The following NSD1 variants were observed in gnomAD, a reference collection of about 807,000 sequenced individuals.
NSD1 encodes nuclear receptor binding SET domain protein 1.
NSD1 carries 26 observed loss-of-function variants against 242.7 expected under a neutral mutation model. The observed-to-expected ratio is 0.11, with a 90% CI of 0.08 to 0.15. The LOEUF (loss-of-function observed/expected upper bound fraction) is 0.15, where lower values mean the gene tolerates loss of function less well. Among genes scored for constraint, NSD1 ranks in the 10% least tolerant of loss-of-function variants. The pLI is 1.00. For synonymous variants in NSD1, 1,106 were observed against 1,178.1 expected, an observed-to-expected ratio of 0.94 and a Z score of 1.25; for missense variants, 2,495 against 3,272.8, an observed-to-expected ratio of 0.76 and a Z score of 5.80.
chr5:177,252,571 A>G (rs78220936), intron 12 of NSD1, among the ~76,000 whole-genome samples: 2 of 92,272 alleles, frequency 2.2e-5, no homozygotes, highest in African/African-American at 1.1e-4. Flanking sequence ...TTTTTTTTTA[A>G]TAAGAGATGA....
intron 2 of NSD1, among the ~76,000 whole-genome samples, chr5:177,157,258 C>T (rs748155837): frequency 7.9e-5 from 12 of 151,046 alleles, no homozygotes; most frequent in African/African-American, 1.2e-4. Flanking sequence ...CCCAGCTACT[C>T]GGGAGGCTGA....
chr5:177,155,931 C>G (rs530803615), intron 2 of NSD1, among the ~76,000 whole-genome samples: 50 of 151,812 alleles, frequency 3.3e-4, no homozygotes, highest in Non-Finnish European at 6.9e-4. Flanking sequence ...TCTCGAACTC[C>G]TGACCTCAGG....
rs916735253 is a variant in NSD1 at position 177,197,901 on chromosome 5, G to C, written c.1063+5882G>C. The stretch of plus-strand genomic sequence containing the variant: ...GTTTCATTGAGGTAGAAGTTAGATT[G>C]GACTGATTTGAGGCAATGGAGACAG... On this transcript the variant is annotated intron_variant, in intron 3 of 22. Transcript: ENST00000439151. 4.6e-5 allele frequency among the ~76,000 whole-genome samples: 7 copies of C among 152,234 alleles called. No individual in the cohort carries two copies. The Middle Eastern group carries it at 0.01, about 222-fold the overall frequency.
At chr5:177,282,319 G>A (rs1421662414) in intron 18 of NSD1, 146 bp from the exon 19 acceptor site, 8 of 738,420 alleles carry the variant, frequency 1.1e-5, no homozygotes, top group Middle Eastern at 3.8e-4. Context: ...GTTGGGGATC[G>A]TAAAGTAATT....
chr5:177,255,781 C>G (rs980758797), intron 12 of NSD1, among the ~76,000 whole-genome samples: 1 of 152,020 alleles, frequency 6.6e-6, no homozygotes, highest in African/African-American at 2.4e-5. Flanking sequence ...GACGGTGTCT[C>G]ACTATGTTCC....
At chr5:177,275,393 A>G (rs750833503) in intron 17 of NSD1, among the ~76,000 whole-genome samples, 3 of 113,152 alleles carry the variant, frequency 2.7e-5, no homozygotes, top group Admixed American at 1.9e-4. Context: ...CAGTTTCAGT[A>G]TTTCATCGTG....
intron 2 of NSD1, among the ~76,000 whole-genome samples, chr5:177,177,363 A>G (rs1170243997): frequency 1.3e-5 from 2 of 151,980 alleles, no homozygotes; most frequent in African/African-American, 4.8e-5. Flanking sequence ...AAAAATACAA[A>G]AATTAGCCAG....
rs764710462 is a variant in NSD1 at position 177,291,950 on chromosome 5, G to A, written c.6259-4G>A. On this transcript the variant is annotated splice_polypyrimidine_tract_variant and splice_region_variant and intron_variant, in intron 21 of 22. Coordinates refer to ENST00000439151, the MANE Select transcript of NSD1 (RefSeq NM_022455.5). ...ATGCTGACTGTTCAATATCTGACCTGTAGAATCAACCCATTGCCACGGAAG... is the reference window on the plus strand; with the variant it reads ...ATGCTGACTGTTCAATATCTGACCTATAGAATCAACCCATTGCCACGGAAG... 1 of 1,613,228 alleles carries A rather than the reference G, an allele frequency of 6.2e-7. No homozygotes were observed. The highest frequency in any genetic ancestry group is 1.1e-5 in the South Asian group (1 of 90,918).
In NSD1 at chr5:177,238,151, A is replaced by G; in HGVS notation, c.3922-86A>G. On this transcript the variant is annotated intron_variant, in intron 6 of 22. Transcript: ENST00000439151. This position sits in a 1 kb window ranked among gnomAD's most constrained non-coding sequence, Gnocchi z 4.6. ...TTTTTGTAGCCTTTGTCAGAATTTC[A>G]TTCCTTTTAAAGTGTGTTATTCTTT... is the stretch of plus-strand genomic sequence containing the variant. 1 of 1,464,440 alleles carries G rather than the reference A, an allele frequency of 6.8e-7. No individual in the cohort carries two copies. The highest frequency in any genetic ancestry group is 9.6e-7 in the Non-Finnish European group (1 of 1,046,382). The allele number at this position is 1,464,440 out of a possible 1,614,324, so 90.7% of individuals were successfully genotyped here. A position where few individuals can be genotyped will look rare whatever the true frequency, so the allele number is the denominator to read the frequency against.
intron 2 of NSD1, among the ~76,000 whole-genome samples, chr5:177,184,710 G>T (rs1028513535): frequency 7.2e-5 from 11 of 151,728 alleles, no homozygotes; most frequent in East Asian, 1.9e-4. Flanking sequence ...GGTGTGTGTG[G>T]GTGTGTGTGT....
intron 5 of NSD1, among the ~76,000 whole-genome samples, chr5:177,214,205 TC>T (rs1391627184): frequency 1.3e-5 from 2 of 151,980 alleles, no homozygotes; most frequent in East Asian, 3.9e-4. Flanking sequence ...GGTGGCGCGC[TC>T]CTGTAATACC....
chr5:177,266,344 G>T, intron 14 of NSD1: 2 of 709,992 alleles, frequency 2.8e-6, no homozygotes, highest in Admixed American at 1.8e-5. Flanking sequence ...AACACTCGAT[G>T]CCGATGACCT....
At chr5:177,167,625 C>T (rs964754138) in intron 2 of NSD1, among the ~76,000 whole-genome samples, 1 of 152,020 alleles carries the variant, frequency 6.6e-6, no homozygotes, top group African/African-American at 2.4e-5. Flanking sequence ...GCTACTAGTA[C>T]ACACTGTTTT....
chr5:177,197,520 G>T (rs551368872), intron 3 of NSD1, among the ~76,000 whole-genome samples: 49 of 152,220 alleles, frequency 3.2e-4, no homozygotes, highest in African/African-American at 1.2e-3. Context: ...TACTTGGCAG[G>T]CTGAGGCAGG....
At chr5:177,226,958 T>C (rs1015521840) in intron 5 of NSD1, among the ~76,000 whole-genome samples, 11 of 152,328 alleles carry the variant, frequency 7.2e-5, no homozygotes, top group Admixed American at 4.6e-4. Flanking sequence ...TCCTGCCAAA[T>C]TTATAACAAC....
chr5:177,260,000 C>T lies in NSD1; in HGVS notation c.4978C>T (p.Arg1660Cys), dbSNP rs2149917683. 1 of 1,614,080 alleles carries T rather than the reference C, an allele frequency of 6.2e-7. No individual in the cohort carries two copies. Among genetic ancestry groups the T allele is most frequent in the Non-Finnish European group, 8.5e-7 (1 of 1,180,008 alleles). The change falls in exon 14 of 23, where the codon CGC (arginine) becomes TGC (cysteine). Residue 1660 changes from arginine to cysteine, a missense_variant. This residue lies in a region of NSD1 where 31 missense variants were observed against 120.2 expected (regional missense o/e 0.26). Transcript: ENST00000439151. The part of the protein sequence containing the change: ...NVSASKGRLM[R>C]CVRCPVAYHA... ...TTTTCCTGCTTTAGGTCGGTTGATG[C>T]GCTGTGTCCGCTGTCCTGTGGCATA... is the stretch of plus-strand genomic sequence containing the variant.
chr5:177,293,691 T>C, intron 22 of NSD1, 141 bp from the exon 23 acceptor site: 2 of 830,436 alleles, frequency 2.4e-6, no homozygotes, highest in South Asian at 3.1e-5. Context: ...AAGAGGTGGC[T>C]GGTGAGTGGC....
chr5:177,218,663 A>G (rs1763984270), intron 5 of NSD1, among the ~76,000 whole-genome samples: 1 of 149,560 alleles, frequency 6.7e-6, no homozygotes, highest in Non-Finnish European at 1.5e-5. Flanking sequence ...CACCTCCCGG[A>G]TTGACGCCAT....
chr5:177,231,654 A>G (rs1228816934), intron 5 of NSD1, among the ~76,000 whole-genome samples: 3 of 152,232 alleles, frequency 2.0e-5, no homozygotes, highest in South Asian at 2.1e-4. Flanking sequence ...TCCTGGCCTC[A>G]GGTGATCCGC....
Sources: gnomAD v4.1 joint callset for allele counts (sites outside exome capture counted in the v4.1 genomes callset) on GRCh38, gnomAD v4.1.1 for gene constraint, gnomAD v4.1.1 regional missense constraint, Gnocchi (gnomAD v3.1) non-coding constraint, MANE v1.5 for transcripts, NCBI Gene and HGNC (gene_info 2026-07-23, HGNC 2026-07-21) for gene names.